The following MDGA2 variants were observed in gnomAD, a reference collection of about 807,000 sequenced individuals.
The protein encoded by MDGA2 is MAM domain-containing glycosylphosphatidylinositol anchor protein 2.
Under a neutral mutation model 117.8 loss-of-function variants are expected in MDGA2, and 40 were observed. That is an observed-to-expected ratio of 0.34 (90% CI 0.26 to 0.44). The LOEUF is 0.44. Among genes scored for constraint, MDGA2 ranks in the 20% least tolerant of loss-of-function variants. The pLI, the probability that MDGA2 is intolerant of heterozygous loss-of-function variation, is 1.00. For synonymous variants in MDGA2, 452 were observed against 439.0 expected, an observed-to-expected ratio of 1.03 and a Z score of -0.37; for missense variants, 1,123 against 1,250.6, an observed-to-expected ratio of 0.90 and a Z score of 1.54.
chr14:47,071,493 C>T (rs1338527604), intron 6 of MDGA2, among the ~76,000 whole-genome samples: 1 of 151,706 alleles, frequency 6.6e-6, no homozygotes, highest in East Asian at 1.9e-4. Flanking sequence ...GTATACCCTA[C>T]CTTTCCTTAG....
At chr14:47,479,885 T>C (rs2138632443) in intron 1 of MDGA2, among the ~76,000 whole-genome samples, 1 of 152,216 alleles carries the variant, frequency 6.6e-6, no homozygotes, top group South Asian at 2.1e-4. Context: ...CCGCTTCCAG[T>C]TCCTACAATA....
At position 47,188,108 on chromosome 14, in the gene MDGA2, G is replaced by A. The variant is rs139561730; in HGVS notation, c.595+29913C>T. ...TTTTGTTTGCTTGTTTGGTAACATCGTTGGTTGCATGTCACTATTTGTGAA... is the reference window on the plus strand; with the variant it reads ...TTTTGTTTGCTTGTTTGGTAACATCATTGGTTGCATGTCACTATTTGTGAA... On this transcript the variant is annotated intron_variant, in intron 3 of 16. Coordinates refer to ENST00000399232, the MANE Select transcript of MDGA2 (RefSeq NM_001113498.3). 1.3e-4 allele frequency among the ~76,000 whole-genome samples: 20 copies of A among 152,154 alleles called. No homozygotes were observed. The South Asian group carries it at 2.5e-3, about 19-fold the overall frequency.
intron 1 of MDGA2, among the ~76,000 whole-genome samples, chr14:47,373,360 C>A (rs1335949526): frequency 1.3e-5 from 2 of 151,860 alleles, no homozygotes; most frequent in Non-Finnish European, 2.9e-5. Flanking sequence ...TATATGCATA[C>A]ATAAACTCAT....
chr14:47,191,797 C>CAT (rs1355520539), intron 3 of MDGA2, among the ~76,000 whole-genome samples: 14 of 152,104 alleles, frequency 9.2e-5, no homozygotes, highest in African/African-American at 3.4e-4. Flanking sequence ...AGTAATATTG[C>CAT]ATATCTACTG....
chr14:46,992,656 C>T (rs1430589011), intron 8 of MDGA2, among the ~76,000 whole-genome samples: 1 of 152,116 alleles, frequency 6.6e-6, no homozygotes, highest in Admixed American at 6.6e-5. Context: ...GTTGGTACTA[C>T]TTCATAGTAA....
intron 8 of MDGA2, among the ~76,000 whole-genome samples, chr14:47,033,721 A>G (rs1182668085): frequency 1.3e-5 from 2 of 152,156 alleles, no homozygotes; most frequent in Non-Finnish European, 2.9e-5. Flanking sequence ...GTTATTTGGC[A>G]TTTGTTTGCA....
At chr14:47,070,759 T>C (rs1236948606) in intron 6 of MDGA2, among the ~76,000 whole-genome samples, 1 of 152,148 alleles carries the variant, frequency 6.6e-6, no homozygotes, top group East Asian at 1.9e-4. Context: ...GCATGTGCCA[T>C]CAAGCCTAGC....
chr14:47,098,654 T>C (rs138598650), intron 5 of MDGA2, among the ~76,000 whole-genome samples: 1 of 151,996 alleles, frequency 6.6e-6, no homozygotes, highest in African/African-American at 2.4e-5. Flanking sequence ...AAAGAAAATC[T>C]CTATACCCTG....
At chr14:47,604,223 A>C (rs978670096) in intron 1 of MDGA2, among the ~76,000 whole-genome samples, 4 of 152,116 alleles carry the variant, frequency 2.6e-5, no homozygotes, top group Non-Finnish European at 5.9e-5. Context: ...TCATGTTGGC[A>C]GTTCAAATGT....
chr14:47,421,819 T>C (rs577323074), intron 1 of MDGA2, among the ~76,000 whole-genome samples: 111 of 152,306 alleles, frequency 7.3e-4, no homozygotes, highest in African/African-American at 2.6e-3. Context: ...CTAAATGTTC[T>C]TAATTTTTAA....
chr14:46,913,420 A>C (rs1883780300), intron 10 of MDGA2, among the ~76,000 whole-genome samples: 1 of 152,160 alleles, frequency 6.6e-6, no homozygotes, highest in African/African-American at 2.4e-5. Context: ...TTCTTGCAAT[A>C]AAATCTATCT....
chr14:47,301,827 T>C (rs1187151024), intron 1 of MDGA2, among the ~76,000 whole-genome samples: 5 of 152,182 alleles, frequency 3.3e-5, no homozygotes, highest in Admixed American at 1.3e-4. Context: ...TAAAATTTGA[T>C]TGTTAAAATG....
chr14:46,941,527 A>G (rs1884999987), intron 9 of MDGA2, among the ~76,000 whole-genome samples: 1 of 152,154 alleles, frequency 6.6e-6, no homozygotes, highest in South Asian at 2.1e-4. Flanking sequence ...TTCAGGGTGA[A>G]GGACAGAGGC....
chr14:47,390,890 C>T (rs559563527), intron 1 of MDGA2, among the ~76,000 whole-genome samples: 25 of 152,212 alleles, frequency 1.6e-4, no homozygotes, highest in African/African-American at 5.3e-4. Flanking sequence ...TGGCTGAATT[C>T]TTTTCCTACC....
intron 6 of MDGA2, among the ~76,000 whole-genome samples, chr14:47,080,569 G>C (rs1271337535): frequency 2.0e-5 from 3 of 152,078 alleles, no homozygotes; most frequent in Non-Finnish European, 4.4e-5. Flanking sequence ...TCAAGAATCT[G>C]TTCTTACTAT....
chr14:46,909,983 C>A (rs978501020), intron 10 of MDGA2, among the ~76,000 whole-genome samples: 4 of 152,106 alleles, frequency 2.6e-5, no homozygotes, highest in Admixed American at 2.6e-4. Flanking sequence ...ATAAATGTTA[C>A]AATTTTACAT....
chr14:46,855,621 C>T lies in MDGA2; in HGVS notation c.2753-467G>A, dbSNP rs1270337839. On this transcript the variant is annotated intron_variant, in intron 14 of 16. Transcript: ENST00000399232. The surrounding 1 kb of genome is among the most constrained non-coding windows in gnomAD (Gnocchi z 4.1). ...AAAGGAAAGGGCTTCTTTCCTGGAG[C>T]TTCAGAAGAAGTCAGCCCTGCTGAC... 1.3e-5 allele frequency among the ~76,000 whole-genome samples: 2 copies of T among 152,100 alleles called. No homozygotes were observed. Among genetic ancestry groups the T allele is most frequent in the African/African-American group, 4.8e-5 (2 of 41,432 alleles).
chr14:47,536,337 T>A (rs1257567174), intron 1 of MDGA2, among the ~76,000 whole-genome samples: 1 of 152,206 alleles, frequency 6.6e-6, no homozygotes, highest in Non-Finnish European at 1.5e-5. Flanking sequence ...ATAGAGCACA[T>A]CTGTGATCTG....
chr14:47,015,823 G>A (rs1888064213), intron 8 of MDGA2, among the ~76,000 whole-genome samples: 1 of 151,930 alleles, frequency 6.6e-6, no homozygotes, highest in African/African-American at 2.4e-5. Flanking sequence ...AATTAGAGAG[G>A]AGAAAAAATA....
Sources: gnomAD v4.1 joint callset for allele counts (sites outside exome capture counted in the v4.1 genomes callset) on GRCh38, gnomAD v4.1.1 for gene constraint, Gnocchi (gnomAD v3.1) non-coding constraint, MANE v1.5 for transcripts, NCBI Gene and HGNC (gene_info 2026-07-23, HGNC 2026-07-21) for gene names.